Variants in ANTXR1 observed in about 807,000 individuals in gnomAD.
ANTXR1 encodes ANTXR cell adhesion molecule 1.
In ANTXR1, 19 loss-of-function variants were observed where a neutral mutation model predicts 78.1. That is an observed-to-expected ratio of 0.24 (90% CI 0.17 to 0.36). The LOEUF (loss-of-function observed/expected upper bound fraction) is 0.36, where lower values mean the gene tolerates loss of function less well. Ranked by LOEUF, ANTXR1 falls within the 10% of genes least tolerant of loss-of-function variation. The pLI is 1.00. For synonymous variants in ANTXR1, 273 were observed against 260.5 expected, an observed-to-expected ratio of 1.05 and a Z score of -0.46; for missense variants, 518 against 718.6, an observed-to-expected ratio of 0.72 and a Z score of 3.19.
rs950899316 is a variant in ANTXR1 at position 69,187,425 on chromosome 2, G to GA, written c.1353+4775dup. Among the ~76,000 whole-genome samples, 553 of 145,638 alleles carry GA rather than the reference G, an allele frequency of 3.8e-3. 2 individuals carry two copies. The highest frequency in any genetic ancestry group is 0.011 in the African/African-American group (456 of 39,676). ...CAAATTTTCTTAAAAACCAAAAGAA[G>GA]AAAAAAAAAAGCGCAACAAAATCTA... is the stretch of plus-strand genomic sequence containing the variant. On this transcript the variant is annotated intron_variant, in intron 16 of 17. Coordinates refer to ENST00000303714, the MANE Select transcript of ANTXR1 (RefSeq NM_032208.3).
chr2:69,110,613 C>G (rs112101191), intron 10 of ANTXR1, among the ~76,000 whole-genome samples: 1 of 152,044 alleles, frequency 6.6e-6, no homozygotes, highest in Non-Finnish European at 1.5e-5. Flanking sequence ...AATCCCAGCA[C>G]TTTGGGAGGC....
intron 8 of ANTXR1, among the ~76,000 whole-genome samples, chr2:69,082,749 A>G (rs557881627): frequency 1.3e-5 from 2 of 152,236 alleles, no homozygotes; most frequent in South Asian, 2.1e-4. Flanking sequence ...GCCTGAAACC[A>G]AGGACACTGT....
chr2:69,210,967 G>A, intron 17 of ANTXR1, among the ~76,000 whole-genome samples: 1 of 151,702 alleles, frequency 6.6e-6, no homozygotes, highest in Middle Eastern at 3.4e-3. Flanking sequence ...GAACCAGATG[G>A]TTGTCACAAA....
intron 11 of ANTXR1, among the ~76,000 whole-genome samples, chr2:69,124,053 T>C (rs1672445640): frequency 6.6e-6 from 1 of 152,216 alleles, no homozygotes; most frequent in Non-Finnish European, 1.5e-5. Context: ...CCAGCGAGTG[T>C]CTTAGAGTGG....
chr2:69,170,625 A>G (rs1673956868), intron 14 of ANTXR1, among the ~76,000 whole-genome samples: 1 of 152,168 alleles, frequency 6.6e-6, no homozygotes, highest in African/African-American at 2.4e-5. Flanking sequence ...AAACCCTAAG[A>G]TTCTCTTCTC....
chr2:69,153,327 A>T (rs980844209), intron 13 of ANTXR1, among the ~76,000 whole-genome samples: 6 of 152,160 alleles, frequency 3.9e-5, no homozygotes, highest in African/African-American at 1.4e-4. Context: ...GAGACAGAGC[A>T]CTGGACTTGA....
At chr2:69,199,493 T>G (rs1674725733) in intron 17 of ANTXR1, among the ~76,000 whole-genome samples, 1 of 152,202 alleles carries the variant, frequency 6.6e-6, no homozygotes, top group African/African-American at 2.4e-5. Flanking sequence ...AATCTAAATA[T>G]TAAGCCTCAG....
intron 16 of ANTXR1, among the ~76,000 whole-genome samples, chr2:69,185,856 C>T (rs888480430): frequency 2.0e-5 from 3 of 152,118 alleles, no homozygotes; most frequent in Admixed American, 6.5e-5. Context: ...TTGAAGAGCT[C>T]CTCGGCAGGA....
intron 3 of ANTXR1, among the ~76,000 whole-genome samples, chr2:69,063,775 T>G (rs180984141): frequency 2.8e-4 from 43 of 152,220 alleles, no homozygotes; most frequent in Admixed American, 2.1e-3. Flanking sequence ...AAGAGGGAAC[T>G]ATATGGAAAT....
rs546619275 is a variant in ANTXR1 at position 69,034,511 on chromosome 2, T to C, written c.153-5533T>C. Among the ~76,000 whole-genome samples the C allele has an allele frequency of 8.5e-5, 13 of 152,348 alleles. No individual in the cohort carries two copies. The South Asian group carries it at 2.3e-3, about 27-fold the overall frequency. On this transcript the variant is annotated intron_variant, in intron 1 of 17. Transcript: ENST00000303714. ...CCCTCTGTGCCATTCTGAGACCAAGTTGACCTATAATAGCCTTCAGGGGCT... is the reference window on the plus strand; with the variant it reads ...CCCTCTGTGCCATTCTGAGACCAAGCTGACCTATAATAGCCTTCAGGGGCT...
chr2:69,202,951 T>C (rs1558642867), intron 17 of ANTXR1, among the ~76,000 whole-genome samples: 1 of 152,248 alleles, frequency 6.6e-6, no homozygotes, highest in Non-Finnish European at 1.5e-5. Context: ...AGAATTTTAA[T>C]TACCTCTTAA....
intron 14 of ANTXR1, among the ~76,000 whole-genome samples, chr2:69,174,409 G>A (rs548989705): frequency 6.6e-6 from 1 of 152,180 alleles, no homozygotes; most frequent in South Asian, 2.1e-4. Context: ...AGGCCGAGGC[G>A]GGCAGAGTAC....
rs75165444 is a variant in ANTXR1 at position 69,057,112 on chromosome 2, A to G, written c.296+12299A>G. ...GGTTGGCTCATTTTAACTACTGCAT[A>G]CTTTTCTATTTTGTCATATTTTATT... On this transcript the variant is annotated intron_variant, in intron 3 of 17. Transcript: ENST00000303714. 1.6e-4 allele frequency among the ~76,000 whole-genome samples: 25 copies of G among 152,090 alleles called. No homozygotes were observed. The East Asian group carries it at 4.6e-3, about 28-fold the overall frequency.
At chr2:69,180,210 A>T (rs1044313441) in intron 14 of ANTXR1, among the ~76,000 whole-genome samples, 17 of 152,228 alleles carry the variant, frequency 1.1e-4, no homozygotes, top group African/African-American at 4.1e-4. Flanking sequence ...TGCCTCCTGC[A>T]TGGGGTGCCC....
intron 16 of ANTXR1, among the ~76,000 whole-genome samples, chr2:69,192,299 T>C (rs1674562215): frequency 6.6e-6 from 1 of 152,168 alleles, no homozygotes; most frequent in Admixed American, 6.5e-5. Flanking sequence ...GCAGAGCTGT[T>C]TTCCTTTTGG....
chr2:69,145,863 T>C (rs1222175707), intron 12 of ANTXR1: 2 of 986,102 alleles, frequency 2.0e-6, no homozygotes, highest in Non-Finnish European at 2.4e-6. Context: ...TCCCGCCCCA[T>C]GCCATGCATT....
intron 16 of ANTXR1, 83 bp from the exon 17 acceptor site, chr2:69,193,252 A>C (rs73934790): frequency 8.9e-7 from 1 of 1,126,750 alleles, no homozygotes. Context: ...TGACTGAAGA[A>C]GCACGGAAAG....
chr2:69,067,226 A>G (rs928556030), intron 3 of ANTXR1, among the ~76,000 whole-genome samples: 3 of 151,892 alleles, frequency 2.0e-5, no homozygotes, highest in African/African-American at 4.8e-5. Flanking sequence ...ACCACTCGCA[A>G]CTAGTGAGTT....
intron 3 of ANTXR1, among the ~76,000 whole-genome samples, chr2:69,063,972 A>C (rs1670319928): frequency 6.6e-6 from 1 of 151,996 alleles, no homozygotes; most frequent in Non-Finnish European, 1.5e-5. Flanking sequence ...ATACATGATC[A>C]ATGCAAAAGG....
Sources: gnomAD v4.1 joint callset for allele counts (sites outside exome capture counted in the v4.1 genomes callset) on GRCh38, gnomAD v4.1.1 for gene constraint, MANE v1.5 for transcripts, NCBI Gene and HGNC (gene_info 2026-07-23, HGNC 2026-07-21) for gene names.